RANBP3L: variants seen among roughly 807,000 people sequenced by gnomAD.
RANBP3L encodes the protein ran-binding protein 3-like.
RANBP3L carries 56 observed loss-of-function variants against 67.2 expected under a neutral mutation model. The observed-to-expected ratio is 0.83, with a 90% CI of 0.67 to 1.04. The LOEUF (loss-of-function observed/expected upper bound fraction) is 1.04. RANBP3L is among the 50% of genes least tolerant of loss of function. The probability of loss-of-function intolerance (pLI) is 0.00; values close to 1 mark genes in which losing one functional copy is unlikely to be tolerated. For missense variants in RANBP3L, 496 were observed against 535.5 expected, an observed-to-expected ratio of 0.93 and a Z score of 0.73; for synonymous variants, 164 against 181.4, an observed-to-expected ratio of 0.90 and a Z score of 0.77.
At chr5:36,281,322 C>T (rs916025668) in intron 1 of RANBP3L, among the ~76,000 whole-genome samples, 1 of 152,152 alleles carries the variant, frequency 6.6e-6, no homozygotes, top group Non-Finnish European at 1.5e-5. Flanking sequence ...AGCTGCAGCT[C>T]TTATTACATG....
At chr5:36,267,540 ACT>A (rs964071791) in intron 4 of RANBP3L, among the ~76,000 whole-genome samples, 14 of 151,498 alleles carry the variant, frequency 9.2e-5, no homozygotes, top group Non-Finnish European at 1.9e-4. Flanking sequence ...GAAAGAAAAA[ACT>A]CTGTAGTTCC....
At chr5:36,280,208 T>C (rs1221078978) in intron 1 of RANBP3L, among the ~76,000 whole-genome samples, 1 of 152,118 alleles carries the variant, frequency 6.6e-6, no homozygotes, top group Non-Finnish European at 1.5e-5. Flanking sequence ...AGAAAATATC[T>C]AATGTGAACA....
At chr5:36,259,545 T>G (rs781227821) in intron 8 of RANBP3L, among the ~76,000 whole-genome samples, 11 of 147,842 alleles carry the variant, frequency 7.4e-5, no homozygotes, top group Non-Finnish European at 1.3e-4. Context: ...ATCGTGCCAC[T>G]GCACTCCAGC....
rs1489457408 is a variant in RANBP3L, at chr5:36,299,858, G to A, written c.91+1468C>T. ...TCATCCTCTGTCATTAAATTAAAAA[G>A]CAGTTTACAAAACACTGTTTACAAA... On this transcript the variant is annotated intron_variant, in intron 1 of 13. Transcript: ENST00000296604. 2.6e-5 allele frequency among the ~76,000 whole-genome samples: 4 copies of A among 152,122 alleles called. No individual in the cohort carries two copies. In the East Asian group the frequency reaches 5.8e-4, roughly 22 times the overall value.
At chr5:36,290,224 C>CCT (rs35000877) in intron 1 of RANBP3L, among the ~76,000 whole-genome samples, 3 of 144,008 alleles carry the variant, frequency 2.1e-5, no homozygotes, top group Non-Finnish European at 4.5e-5. Context: ...TCTGTCTCAC[C>CCT]TTTTTTTTTT....
In RANBP3L at chr5:36,256,960, G is replaced by C. The variant is rs542961290; in HGVS notation, c.884C>G (p.Thr295Arg). Residue 295 changes from threonine (T) to arginine (R), a missense_variant, in exon 10 of 14, where the codon ACA (threonine) becomes AGA (arginine). Coordinates refer to ENST00000296604, the MANE Select transcript of RANBP3L (RefSeq NM_145000.5). ...ACAGACCTTTAACACATTATGTTCT[G>C]TTTCCTCCCCTGTTATAACATCAAT... ...EKIDVITGEETEHNVLKINCK... is the reference protein window; with the variant it reads ...EKIDVITGEEREHNVLKINCK... The C allele has an allele frequency of 5.2e-5, 84 of 1,613,028 alleles. 1 individual carries two copies. The South Asian group carries it at 9.2e-4, about 18-fold the overall frequency.
At chr5:36,300,807 G>T (rs1752558242) in intron 1 of RANBP3L, among the ~76,000 whole-genome samples, 1 of 152,152 alleles carries the variant, frequency 6.6e-6, no homozygotes, top group South Asian at 2.1e-4. Flanking sequence ...TGAGTGCCCA[G>T]CAAGTGAAAT....
At chr5:36,259,907 T>G (rs1434454677) in intron 8 of RANBP3L, among the ~76,000 whole-genome samples, 1 of 152,186 alleles carries the variant, frequency 6.6e-6, no homozygotes, top group Non-Finnish European at 1.5e-5. Context: ...AAGAGGATGC[T>G]GAACATTAAA....
intron 1 of RANBP3L, among the ~76,000 whole-genome samples, chr5:36,277,709 A>G (rs1380559670): frequency 1.3e-5 from 2 of 152,126 alleles, no homozygotes; most frequent in Admixed American, 1.3e-4. Flanking sequence ...GACACTGAAT[A>G]AAAGTTAGAT....
intron 1 of RANBP3L, among the ~76,000 whole-genome samples, chr5:36,292,138 C>T (rs1751833553): frequency 6.6e-6 from 1 of 152,006 alleles, no homozygotes; most frequent in African/African-American, 2.4e-5. Flanking sequence ...GATTTGCATT[C>T]TCTGATGGCC....
intron 8 of RANBP3L, among the ~76,000 whole-genome samples, chr5:36,258,231 C>CA (rs1415375630): frequency 2.0e-5 from 3 of 152,022 alleles, no homozygotes; most frequent in South Asian, 2.1e-4. Flanking sequence ...AAGGCCTGCA[C>CA]AAAAAAAGAC....
At chr5:36,255,262 G>A (rs6451268) in intron 11 of RANBP3L, among the ~76,000 whole-genome samples, 112,333 of 151,972 alleles carry the variant, frequency 0.74, 47,711 homozygotes, top group Non-Finnish European at 0.96. Flanking sequence ...TCACTAGTTA[G>A]TCACTGCTGG....
At position 36,269,992 on chromosome 5, in the gene RANBP3L, T is replaced by C. The variant is rs1342746972; in HGVS notation, c.151-2A>G. Reference sequence around the variant, plus strand: ...ATACAGGGTGTCTTCTGCAGGTCTCTGAAAGGAAACAAAACCACTGAGGAG... The same window carrying C: ...ATACAGGGTGTCTTCTGCAGGTCTCCGAAAGGAAACAAAACCACTGAGGAG... On this transcript the variant is annotated splice_acceptor_variant, in intron 2 of 13. Transcript: ENST00000296604. LOFTEE classifies it high-confidence loss of function. 4.3e-6 allele frequency: 7 copies of C among 1,613,062 alleles called. No homozygotes were observed. The highest frequency in any genetic ancestry group is 5.9e-6 in the Non-Finnish European group (7 of 1,178,974).
At chr5:36,270,480 G>A (rs1750126536) in intron 2 of RANBP3L, among the ~76,000 whole-genome samples, 1 of 152,082 alleles carries the variant, frequency 6.6e-6, no homozygotes, top group Admixed American at 6.6e-5. Flanking sequence ...GGTAAAATGA[G>A]AATCTAGTGG....
chr5:36,301,317 C>T lies in RANBP3L; in HGVS notation c.91+9G>A, dbSNP rs774416878. On this transcript the variant is annotated intron_variant, in intron 1 of 13. Coordinates refer to ENST00000296604, the MANE Select transcript of RANBP3L (RefSeq NM_145000.5). ...CAGAATATGCAACTCATGAGCTGGA[C>T]GGACTCACCTTGCTGTCGCCGGTCC... 173 of 1,603,876 alleles carry T rather than the reference C, an allele frequency of 1.1e-4. No individual in the cohort carries two copies. Among genetic ancestry groups the T allele is most frequent in the African/African-American group, 1.7e-4 (13 of 74,732 alleles).
At position 36,249,830 on chromosome 5, in the gene RANBP3L, T is replaced by C. The variant is rs1400035668; in HGVS notation, c.1355-133A>G. On this transcript the variant is annotated intron_variant, in intron 13 of 13. Coordinates refer to ENST00000296604, the MANE Select transcript of RANBP3L (RefSeq NM_145000.5). ...TGAAATAAAAGCTACAGAATATACA[T>C]TTTTACAAGCAACATTTAGAGATGT... 6.8e-5 allele frequency: 27 copies of C among 395,106 alleles called. No homozygotes were observed. In the Admixed American group the frequency reaches 1.2e-3, roughly 18 times the overall value. 24.5% of individuals were successfully genotyped at this position (395,106 alleles called of 1,614,324 possible). A position where few individuals can be genotyped will look rare whatever the true frequency, so the allele number is the denominator to read the frequency against.
intron 4 of RANBP3L, 108 bp downstream of exon 4, chr5:36,269,282 C>T (rs1301733262): frequency 1.4e-6 from 1 of 702,654 alleles, no homozygotes; most frequent in Non-Finnish European, 2.6e-6. Flanking sequence ...ATTATAAACA[C>T]TATTCAGCTG....
At chr5:36,258,551 G>A (rs1469463351) in intron 8 of RANBP3L, among the ~76,000 whole-genome samples, 1 of 152,100 alleles carries the variant, frequency 6.6e-6, no homozygotes, top group Non-Finnish European at 1.5e-5. Context: ...AGGATTAGAG[G>A]ACAAACACAA....
At chr5:36,250,216 A>G (rs1228670910) in intron 13 of RANBP3L, among the ~76,000 whole-genome samples, 1 of 151,902 alleles carries the variant, frequency 6.6e-6, no homozygotes, top group East Asian at 1.9e-4. Context: ...GATAGACCCC[A>G]TTTTATTGTT....
Sources: allele counts gnomAD v4.1 joint callset (sites outside exome capture counted in the v4.1 genomes callset), GRCh38; gene constraint gnomAD v4.1.1; transcripts MANE v1.5; gene names NCBI Gene and HGNC (gene_info 2026-07-23, HGNC 2026-07-21).